The following EP400 variants were observed in gnomAD, a reference collection of about 807,000 sequenced individuals.
EP400 encodes E1A binding protein p400, also known as E1A-binding protein p400.
A neutral mutation model predicts 354.1 loss-of-function variants in EP400; 105 were observed. The ratio of observed to expected loss-of-function variants is 0.30; its 90% CI spans 0.25 to 0.35. The LOEUF is 0.35. Ranked by LOEUF, EP400 falls within the 10% of genes least tolerant of loss-of-function variation. EP400 has a pLI of 1.00. For missense variants in EP400, 3,280 were observed against 4,121.0 expected (o/e 0.80, Z 5.59); for synonymous variants, 1,646 against 1,716.9 (o/e 0.96, Z 1.02).
rs79107514 is a variant in EP400, at chr12:131,988,234, A to G, written c.2409+344A>G. Among the ~76,000 whole-genome samples, 1,082 of 152,190 alleles carry G rather than the reference A, an allele frequency of 7.1e-3. 35 individuals are homozygous for G. The South Asian group carries it at 0.093, about 13-fold the overall frequency. On this transcript the variant is annotated intron_variant, in intron 7 of 52. Coordinates refer to ENST00000389561, the MANE Select transcript of EP400 (RefSeq NM_015409.5). ...AGGATACTTCCCTGTTGTTTGGAGA[A>G]TAACTGTGCTGTGTAATTAAGTCTC...
intron 41 of EP400, chr12:132,051,052 C>A (rs955948926): frequency 7.0e-6 from 2 of 286,162 alleles, no homozygotes; most frequent in Non-Finnish European, 6.7e-6. Flanking sequence ...TGAAGTTATA[C>A]AGGGGAAAAG....
intron 51 of EP400, chr12:132,076,149 C>T (rs1896231251): frequency 8.1e-6 from 3 of 371,734 alleles, no homozygotes; most frequent in African/African-American, 2.1e-5. Context: ...GAACGTCGTC[C>T]AGGCCTGTCA....
At chr12:132,076,692 G>A (rs769817855) in intron 52 of EP400, 99 bp downstream of exon 52, 18 of 1,082,816 alleles carry the variant, frequency 1.7e-5, no homozygotes, top group Admixed American at 5.2e-5. Flanking sequence ...TTTGATTTTT[G>A]TGATACACAC....
chr12:131,964,981 A>T (rs1442418802), intron 2 of EP400, among the ~76,000 whole-genome samples: 2 of 152,204 alleles, frequency 1.3e-5, no homozygotes, highest in African/African-American at 2.4e-5. Context: ...TTAGTCTTTC[A>T]TGACCTTGGC....
intron 9 of EP400, 31 bp from the exon 10 acceptor site, chr12:131,991,376 T>G (rs1360571584): frequency 3.1e-6 from 5 of 1,613,110 alleles, no homozygotes; most frequent in Non-Finnish European, 4.2e-6. Context: ...TGGGGGGCCT[T>G]GGGAACGAAC....
In EP400 at chr12:131,994,787, C is replaced by T. The variant is rs958896457; in HGVS notation, c.2738-80C>T. 2.6e-5 allele frequency: 31 copies of T among 1,172,990 alleles called. No individual in the cohort carries two copies. Among genetic ancestry groups the T allele is most frequent in the South Asian group, 4.4e-5 (3 of 68,126 alleles). The allele number at this position is 1,172,990 out of a possible 1,614,324, so 72.7% of individuals were successfully genotyped here. ...CTGTAATAGCTATGCAAAATAATTT[C>T]GAAGCCTTATAGTGTGTAATGAGTA... On this transcript the variant is annotated intron_variant, in intron 11 of 52. Transcript: ENST00000389561. The surrounding 1 kb of genome is among the most constrained non-coding windows in gnomAD (Gnocchi z 4.6).
At chr12:132,046,871 C>A (rs1895114698) in intron 39 of EP400, among the ~76,000 whole-genome samples, 1 of 152,246 alleles carries the variant, frequency 6.6e-6, no homozygotes, top group South Asian at 2.1e-4. Context: ...TGCCTGACTT[C>A]CAGGGCACGT....
At chr12:131,988,210 G>T (rs928678966) in intron 7 of EP400, among the ~76,000 whole-genome samples, 1 of 152,078 alleles carries the variant, frequency 6.6e-6, no homozygotes, top group Admixed American at 6.6e-5. Context: ...AGTCTGGGAA[G>T]GATACTTCCC....
At chr12:132,073,897 C>T (rs193069040) in intron 51 of EP400, among the ~76,000 whole-genome samples, 21 of 145,052 alleles carry the variant, frequency 1.4e-4, no homozygotes, top group Admixed American at 8.9e-4. Flanking sequence ...TACAGAATTC[C>T]GGATTGGCAT....
Position 132,066,768 on chromosome 12 carries a change from G to A in EP400, c.8554-6G>A, listed in dbSNP as rs1895906967. On this transcript the variant is annotated splice_region_variant and splice_polypyrimidine_tract_variant and intron_variant, in intron 48 of 52. Coordinates refer to ENST00000389561, the MANE Select transcript of EP400 (RefSeq NM_015409.5). ...TCTGGACTCTCCCATTATTTCTACT[G>A]TTTAGACCCGGGTTCCCACTTCTCA... 6.2e-7 allele frequency: 1 copy of A among 1,613,404 alleles called. No homozygotes were observed. Among genetic ancestry groups the A allele is most frequent in the Non-Finnish European group, 8.5e-7 (1 of 1,179,710 alleles).
intron 5 of EP400, among the ~76,000 whole-genome samples, chr12:131,985,884 AG>A (rs1319261639): frequency 6.6e-6 from 1 of 152,244 alleles, no homozygotes; most frequent in Non-Finnish European, 1.5e-5. Context: ...CTGGTATTAT[AG>A]GCGTGAGCCA....
chr12:132,009,571 G>A (rs1566185065), intron 15 of EP400, among the ~76,000 whole-genome samples: 1 of 152,212 alleles, frequency 6.6e-6, no homozygotes, highest in Non-Finnish European at 1.5e-5. Flanking sequence ...AGGGTGTGAG[G>A]GGACGGTGGG....
Position 131,961,701 on chromosome 12 carries a change from T to A in EP400, c.1082T>A (p.Met361Lys). 1 of 1,614,126 alleles carries A rather than the reference T, an allele frequency of 6.2e-7. No homozygotes were observed. The highest frequency in any genetic ancestry group is 8.5e-7 in the Non-Finnish European group (1 of 1,180,002). Residue 361 changes from methionine to lysine, a missense_variant, in exon 2 of 53, where the codon ATG becomes AAG. Around this residue, in one of 20 missense-constraint regions of EP400, gnomAD observed 85 missense variants for 180.3 expected, o/e 0.47. Transcript: ENST00000389561. ...LEEIPPASPEMAQMRKQCLDY... is the reference protein window; with the variant it reads ...LEEIPPASPEKAQMRKQCLDY... ...GAGATTCCCCCAGCCTCTCCGGAGA[T>A]GGCACAGATGAGGAAGCAGTGCCTG...
rs779887339 is a variant in EP400, at chr12:131,961,878, A to G, written c.1259A>G (p.Gln420Arg). The G allele has an allele frequency of 3.7e-6, 6 of 1,614,214 alleles. No homozygotes were observed. The Admixed American group carries it at 1.0e-4, about 27-fold the overall frequency. The change falls in exon 2 of 53, where the codon CAG becomes CGG. Residue 420 changes from glutamine to arginine, a missense_variant. Physicochemically the swap from Gln to Arg is conservative, Grantham distance 43. Coordinates refer to ENST00000389561, the MANE Select transcript of EP400 (RefSeq NM_015409.5). The stretch of plus-strand genomic sequence containing the variant: ...GCCCCATTACAAGCATATCTTAGGC[A>G]GAATGATTTGGACATTGAAGAAGAG... ...HYAPLQAYLR[Q>R]NDLDIEEEEE... is the part of the protein sequence containing the mutation.
chr12:132,066,645 G>T, intron 48 of EP400, 129 bp from the exon 49 acceptor site: 1 of 990,084 alleles, frequency 1.0e-6, no homozygotes, highest in Non-Finnish European at 1.5e-6. Flanking sequence ...TTCCTTTCCT[G>T]TTGGGCCACT....
chr12:131,973,488 C>A (rs909716408), intron 2 of EP400, among the ~76,000 whole-genome samples: 1 of 152,002 alleles, frequency 6.6e-6, no homozygotes, highest in African/African-American at 2.4e-5. Context: ...CCAAAAATAC[C>A]AAAAATTTGC....
Position 132,066,981 on chromosome 12 carries a change from A to G in EP400, c.8749+12A>G. On this transcript the variant is annotated intron_variant, in intron 49 of 52. Transcript: ENST00000389561. Reference sequence around the variant, plus strand: ...ACAGAAGGCAGCAGGTGCCCGCCCCAGCACACCCTCCCGTCCTGGGCTTGA... The same window carrying G: ...ACAGAAGGCAGCAGGTGCCCGCCCCGGCACACCCTCCCGTCCTGGGCTTGA... 1 of 1,583,398 alleles carries G rather than the reference A, an allele frequency of 6.3e-7. No homozygotes were observed. Among genetic ancestry groups the G allele is most frequent in the South Asian group, 1.1e-5 (1 of 88,096 alleles).
Position 132,064,810 on chromosome 12 carries a change from T to C in EP400, c.8477T>C (p.Leu2826Pro), listed in dbSNP as rs781384474. Residue 2826 changes from leucine to proline, a missense_variant, in exon 48 of 53, where the codon CTC (leucine) becomes CCC (proline). Leu to Pro is a moderately conservative substitution (Grantham distance 98). Transcript: ENST00000389561. ...CCGCCGCAGCAGCAGAGCCCCCAGCTCACGACGGTCACGGCCCCAAGGCCT... is the reference window on the plus strand; with the variant it reads ...CCGCCGCAGCAGCAGAGCCCCCAGCCCACGACGGTCACGGCCCCAAGGCCT... Reference protein sequence around the residue: ...SQPPQQQSPQLTTVTAPRPGA... With the variant: ...SQPPQQQSPQPTTVTAPRPGA... 1.9e-6 allele frequency: 3 copies of C among 1,612,548 alleles called. No individual in the cohort carries two copies. In the South Asian group the frequency reaches 3.3e-5, roughly 18 times the overall value.
chr12:131,955,868 A>T (rs940413413), intron 1 of EP400, among the ~76,000 whole-genome samples: 2 of 150,686 alleles, frequency 1.3e-5, no homozygotes, highest in East Asian at 1.9e-4. Context: ...CTGTTCTCGA[A>T]CTCCTGACCT....
Sources: gnomAD v4.1 joint callset for allele counts (sites outside exome capture counted in the v4.1 genomes callset) on GRCh38, gnomAD v4.1.1 for gene constraint, gnomAD v4.1.1 regional missense constraint, Gnocchi (gnomAD v3.1) non-coding constraint, MANE v1.5 for transcripts, NCBI Gene and HGNC (gene_info 2026-07-23, HGNC 2026-07-21) for gene names.